The following TUBGCP2 variants were observed in gnomAD, a reference collection of about 807,000 sequenced individuals.
TUBGCP2 encodes the protein gamma-tubulin complex component 2.
TUBGCP2 carries 55 observed loss-of-function variants against 92.2 expected under a neutral mutation model. The ratio of observed to expected loss-of-function variants is 0.60; its 90% confidence interval spans 0.48 to 0.75. TUBGCP2 has a LOEUF of 0.75. Ranked by LOEUF, TUBGCP2 falls within the 30% of genes least tolerant of loss-of-function variation. The pLI, the probability that TUBGCP2 is intolerant of heterozygous loss-of-function variation, is 0.00. For missense variants in TUBGCP2, 1,093 were observed against 1,188.9 expected (o/e 0.92, Z 1.19); for synonymous variants, 533 against 505.2 (o/e 1.06, Z -0.74).
chr10:133,311,949 A>G (rs1847999415), upstream of TUBGCP2: 1 of 1,612,462 alleles, frequency 6.2e-7, no homozygotes, highest in Non-Finnish European at 8.5e-7. Context: ...TCAGAAAGGT[A>G]ACGCTGGGTA....
chr10:133,302,646 C>T (rs2136139104), intron 2 of TUBGCP2, 146 bp downstream of exon 2: 1 of 991,794 alleles, frequency 1.0e-6, no homozygotes, highest in East Asian at 2.7e-5. Context: ...TGCACCCTCA[C>T]CCAGGAATGG....
At chr10:133,309,425 C>A, upstream of TUBGCP2, 34 of 1,612,540 alleles carry the variant, frequency 2.1e-5, no homozygotes, top group Non-Finnish European at 2.8e-5. Context: ...ACCTCCAGGA[C>A]GTGATCATGC....
At chr10:133,297,587 G>A (rs533974258) in intron 5 of TUBGCP2, among the ~76,000 whole-genome samples, 1 of 152,332 alleles carries the variant, frequency 6.6e-6, no homozygotes, top group East Asian at 1.9e-4. Flanking sequence ...ATGAATCGCT[G>A]TTCAGAAATA....
rs768784067 is a variant in TUBGCP2, at chr10:133,299,595, C to T, written c.288G>A (p.Gln96=). 1 of 1,605,824 alleles carries T rather than the reference C, an allele frequency of 6.2e-7. No homozygotes were observed. The highest frequency in any genetic ancestry group is 1.3e-5 in the African/African-American group (1 of 74,600). Residue 96 remains glutamine (Q), a synonymous_variant, in exon 4 of 18, where the codon CAG becomes CAA. Transcript: ENST00000252936. ...SKLTEDKETL[Q]YLQQNAKERA... is the part of the protein sequence containing the mutation. The stretch of plus-strand genomic sequence containing the variant: ...TTTCTTTTGCATTCTGTTGTAAGTA[C>T]TGCAGAGTCTGAAAACATGTAAAAC...
intron 15 of TUBGCP2, among the ~76,000 whole-genome samples, chr10:133,282,640 C>T (rs1172461702): frequency 1.3e-5 from 2 of 152,222 alleles, no homozygotes; most frequent in African/African-American, 4.8e-5. Context: ...CTCCTCCGGA[C>T]CCTCCCCATG....
Position 133,281,347 on chromosome 10 carries a change from CAGGT to C in TUBGCP2, c.2495_2498del (p.His832ArgfsTer8). 6.2e-7 allele frequency: 1 copy of C among 1,613,762 alleles called. No homozygotes were observed. The highest frequency in any genetic ancestry group is 8.5e-7 in the Non-Finnish European group (1 of 1,180,012). ...TGCTCAGCCGGGCCAGGAGGTCCAG[CAGGT>C]GGGCTGAGAAGTTCTTGTCAAACTT... On this transcript the variant is annotated frameshift_variant, in exon 17 of 18. Coordinates refer to ENST00000252936, the MANE Select transcript of TUBGCP2 (RefSeq NM_006659.4). LOFTEE classifies it high-confidence loss of function.
intron 1 of TUBGCP2, among the ~76,000 whole-genome samples, chr10:133,303,595 C>T (rs1847733255): frequency 6.6e-6 from 1 of 152,242 alleles, no homozygotes; most frequent in African/African-American, 2.4e-5. Flanking sequence ...GTGCCAGCTA[C>T]CGGCACACAC....
chr10:133,306,091 CG>C (rs1447765445), intron 1 of TUBGCP2, among the ~76,000 whole-genome samples: 2 of 152,342 alleles, frequency 1.3e-5, no homozygotes, highest in East Asian at 3.9e-4. Context: ...AACAAACATG[CG>C]GCACCATTGC....
chr10:133,303,123 C>T (rs1224722087), intron 1 of TUBGCP2, 143 bp from the exon 2 acceptor site: 5 of 719,328 alleles, frequency 7.0e-6, no homozygotes, highest in African/African-American at 3.6e-5. Flanking sequence ...CCTCCCCCAA[C>T]AGCCCAGCAG....
chr10:133,283,294 A>G (rs1847037512), intron 14 of TUBGCP2, 73 bp from the exon 15 acceptor site: 2 of 1,597,822 alleles, frequency 1.3e-6, no homozygotes, highest in Non-Finnish European at 1.7e-6. Context: ...GCACGTGCTC[A>G]GTTCTGGCTT....
chr10:133,310,068 C>G (rs878952123), upstream of TUBGCP2: 5 of 1,609,358 alleles, frequency 3.1e-6, no homozygotes, highest in South Asian at 2.2e-5. Flanking sequence ...CGGGCAAGGC[C>G]GGGGACACCT....
chr10:133,308,832 G>A lies in TUBGCP2; in HGVS notation c.-49C>T. On this transcript the variant is annotated 5_prime_UTR_variant, in exon 1 of 18. Coordinates refer to ENST00000252936, the MANE Select transcript of TUBGCP2 (RefSeq NM_006659.4). ...TTCGGCCAGGACTCACCGCAGTCCC[G>A]GAGCCACAGCCCCCGCGCAGCCCCC... 3.1e-6 allele frequency: 3 copies of A among 976,292 alleles called. No homozygotes were observed. The highest frequency in any genetic ancestry group is 2.6e-6 in the Non-Finnish European group (2 of 766,720). The allele number at this position is 976,292 out of a possible 1,614,324, so 60.5% of individuals were successfully genotyped here.
intron 1 of TUBGCP2, among the ~76,000 whole-genome samples, chr10:133,307,648 G>A (rs1201038927): frequency 6.6e-6 from 1 of 152,228 alleles, no homozygotes; most frequent in Non-Finnish European, 1.5e-5. Flanking sequence ...GGGAAGCTGA[G>A]GCACGAGAAT....
chr10:133,309,665 G>A, upstream of TUBGCP2: 1 of 1,371,302 alleles, frequency 7.3e-7, no homozygotes, highest in African/African-American at 1.4e-5. Flanking sequence ...GTTTGGGATT[G>A]CAAAAGATGC....
chr10:133,290,944 C>G (rs183965942), intron 8 of TUBGCP2: 1 of 155,856 alleles, frequency 6.4e-6, no homozygotes, highest in South Asian at 2.0e-4. Flanking sequence ...GGTATCTTGA[C>G]GTAATAGACA....
intron 17 of TUBGCP2, among the ~76,000 whole-genome samples, chr10:133,280,173 T>C (rs1846931487): frequency 6.6e-6 from 1 of 152,150 alleles, no homozygotes; most frequent in African/African-American, 2.4e-5. Flanking sequence ...TCCTAACTAA[T>C]GTTTCCACAG....
intron 5 of TUBGCP2, chr10:133,295,599 G>A (rs1446149211): frequency 6.6e-6 from 1 of 152,402 alleles, no homozygotes. Flanking sequence ...GCAGGACGCG[G>A]GCAGATAACA....
chr10:133,288,207 G>A lies in TUBGCP2; in HGVS notation c.1644C>T (p.Pro548=). ...ELRKPVEDIT[P]PRLEALLELA... Reference sequence around the variant, plus strand: ...GCTCCAGGAGCGCTTCCAGGCGAGGGGGCGTGATGTCCTCCACCGGCTTCC... The same window carrying A: ...GCTCCAGGAGCGCTTCCAGGCGAGGAGGCGTGATGTCCTCCACCGGCTTCC... Residue 548 remains proline (P), a synonymous_variant, in exon 11 of 18, where the codon CCC becomes CCT. Coordinates refer to ENST00000252936, the MANE Select transcript of TUBGCP2 (RefSeq NM_006659.4). 6.2e-7 allele frequency: 1 copy of A among 1,613,908 alleles called. No homozygotes were observed. Among genetic ancestry groups the A allele is most frequent in the Non-Finnish European group, 8.5e-7 (1 of 1,179,966 alleles).
Position 133,285,557 on chromosome 10 carries a change from CTTCT to C in TUBGCP2, c.1790_1793del (p.Glu597GlyfsTer13). On this transcript the variant is annotated frameshift_variant, in exon 12 of 18. Transcript: ENST00000252936. LOFTEE classifies it high-confidence loss of function. This position sits in a 1 kb window ranked among gnomAD's most constrained non-coding sequence, Gnocchi z 6.8. ...CCGTGGGGTCGGCGTGCGCCATCGC[CTTCT>C]CCTGCTTGGTCTCGATGGCCAGGAC... 1 of 1,574,574 alleles carries C rather than the reference CTTCT, an allele frequency of 6.4e-7. No homozygotes were observed.
Sources: allele counts gnomAD v4.1 joint callset (sites outside exome capture counted in the v4.1 genomes callset), GRCh38; gene constraint gnomAD v4.1.1; non-coding constraint Gnocchi (gnomAD v3.1); transcripts MANE v1.5; gene names NCBI Gene and HGNC (gene_info 2026-07-23, HGNC 2026-07-21).